Variants in TTLL11 observed in about 807,000 individuals in gnomAD.
TTLL11 encodes tubulin tyrosine ligase like 11.
In TTLL11, 42 loss-of-function variants were observed where a neutral mutation model predicts 51.7. The observed-to-expected ratio is 0.81, with a 90% CI of 0.64 to 1.05. The LOEUF (loss-of-function observed/expected upper bound fraction) is 1.05. Among genes scored for constraint, TTLL11 ranks in the 50% least tolerant of loss-of-function variants. TTLL11 has a pLI of 0.00. For synonymous variants in TTLL11, 381 were observed against 383.5 expected (o/e 0.99, Z 0.08); for missense variants, 799 against 940.4 (o/e 0.85, Z 1.97).
chr9:121,891,542 A>C (rs570141959), intron 6 of TTLL11, among the ~76,000 whole-genome samples: 1 of 152,316 alleles, frequency 6.6e-6, no homozygotes, highest in South Asian at 2.1e-4. Flanking sequence ...TTGGCCCCAG[A>C]AAAAATCCCT....
At chr9:121,961,617 T>C (rs1384155384) in intron 6 of TTLL11, among the ~76,000 whole-genome samples, 1 of 152,214 alleles carries the variant, frequency 6.6e-6, no homozygotes, top group African/African-American at 2.4e-5. Flanking sequence ...GACACCATTC[T>C]CATTGCACAC....
chr9:121,829,196 C>CAT (rs1172269073), intron 8 of TTLL11, among the ~76,000 whole-genome samples: 2 of 152,020 alleles, frequency 1.3e-5, no homozygotes, highest in Admixed American at 6.5e-5. Flanking sequence ...TAAAGCAATC[C>CAT]ACCCACCTCA....
intron 8 of TTLL11, among the ~76,000 whole-genome samples, chr9:121,827,718 T>C (rs1836860129): frequency 6.6e-6 from 1 of 151,666 alleles, no homozygotes; most frequent in African/African-American, 2.4e-5. Context: ...AATCCTCAAT[T>C]CATCAAGGTG....
intron 6 of TTLL11, among the ~76,000 whole-genome samples, chr9:121,939,808 G>C (rs1317562348): frequency 6.6e-6 from 1 of 152,182 alleles, no homozygotes; most frequent in Non-Finnish European, 1.5e-5. Context: ...CCAGCCTGCA[G>C]ACAGCAGGTA....
chr9:121,972,401 T>A (rs771818745), intron 6 of TTLL11, among the ~76,000 whole-genome samples: 18 of 152,244 alleles, frequency 1.2e-4, no homozygotes, highest in Non-Finnish European at 1.9e-4. Flanking sequence ...ACATACGTAC[T>A]GGTGAACACA....
At chr9:122,087,036 C>A (rs946494991) in intron 1 of TTLL11, among the ~76,000 whole-genome samples, 4 of 152,224 alleles carry the variant, frequency 2.6e-5, no homozygotes, top group African/African-American at 9.6e-5. Context: ...AAACTGGCTA[C>A]AAGCCCAGGC....
intron 6 of TTLL11, among the ~76,000 whole-genome samples, chr9:121,889,428 A>G (rs1839136164): frequency 6.6e-6 from 1 of 152,244 alleles, no homozygotes; most frequent in South Asian, 2.1e-4. Flanking sequence ...ATTCAGCAGC[A>G]TGATGTACAT....
chr9:121,930,749 C>A (rs1840934597), intron 6 of TTLL11, among the ~76,000 whole-genome samples: 1 of 152,212 alleles, frequency 6.6e-6, no homozygotes, highest in African/African-American at 2.4e-5. Flanking sequence ...TATGTGTGGA[C>A]CTTTGCATCT....
intron 6 of TTLL11, among the ~76,000 whole-genome samples, chr9:121,941,607 G>A (rs139929402): frequency 7.9e-5 from 12 of 152,078 alleles, no homozygotes; most frequent in East Asian, 3.9e-4. Context: ...GATTTCTCCC[G>A]CCTGCTGAGT....
intron 6 of TTLL11, among the ~76,000 whole-genome samples, chr9:121,891,743 G>A (rs1374232140): frequency 6.6e-6 from 1 of 152,104 alleles, no homozygotes; most frequent in South Asian, 2.1e-4. Context: ...GCTCAGAGAG[G>A]TTGTCTAACT....
chr9:121,924,379 G>A (rs909527628), intron 6 of TTLL11, among the ~76,000 whole-genome samples: 1 of 152,224 alleles, frequency 6.6e-6, no homozygotes, highest in African/African-American at 2.4e-5. Flanking sequence ...GCAGGGGAGG[G>A]CAGAGAAAAG....
At chr9:121,957,135 C>T (rs1349460496) in intron 6 of TTLL11, among the ~76,000 whole-genome samples, 3 of 152,216 alleles carry the variant, frequency 2.0e-5, no homozygotes, top group Admixed American at 6.5e-5. Flanking sequence ...TTGCCACTCT[C>T]TCCCACCCCA....
chr9:121,893,397 G>A (rs933389070), intron 6 of TTLL11, among the ~76,000 whole-genome samples: 2 of 151,836 alleles, frequency 1.3e-5, no homozygotes, highest in Non-Finnish European at 2.9e-5. Flanking sequence ...ATTTAACATA[G>A]TTGTGACCAT....
At chr9:122,066,365 G>A (rs1016383748) in intron 1 of TTLL11, among the ~76,000 whole-genome samples, 5 of 152,048 alleles carry the variant, frequency 3.3e-5, no homozygotes, top group Admixed American at 2.6e-4. Flanking sequence ...AATCAAAGGT[G>A]CAGGGGGTGG....
Position 122,068,732 on chromosome 9 carries a change from G to A in TTLL11, c.462+23955C>T, listed in dbSNP as rs116119288. Among the ~76,000 whole-genome samples the A allele has an allele frequency of 8.5e-4, 129 of 152,266 alleles. 1 individual carries two copies. The highest frequency in any genetic ancestry group is 2.9e-3 in the African/African-American group (119 of 41,548). ...TGGCAGATACTGGGGGGTGTTCACCGAAATCCATTTCCTCTTATTCCTGGA... is the reference window on the plus strand; with the variant it reads ...TGGCAGATACTGGGGGGTGTTCACCAAAATCCATTTCCTCTTATTCCTGGA... On this transcript the variant is annotated intron_variant, in intron 1 of 8. Transcript: ENST00000321582.
chr9:122,050,037 C>T (rs543539857), intron 1 of TTLL11, among the ~76,000 whole-genome samples: 8 of 152,078 alleles, frequency 5.3e-5, no homozygotes, highest in African/African-American at 1.7e-4. Context: ...AGGTACCAAG[C>T]GTGGACCAGC....
chr9:122,057,002 A>C (rs1351258901), intron 1 of TTLL11, among the ~76,000 whole-genome samples: 1 of 152,202 alleles, frequency 6.6e-6, no homozygotes, highest in Non-Finnish European at 1.5e-5. Context: ...CATAGAGGAA[A>C]GAAGTGCTGA....
intron 6 of TTLL11, among the ~76,000 whole-genome samples, chr9:121,971,040 G>A (rs1439239901): frequency 3.4e-5 from 5 of 145,020 alleles, no homozygotes; most frequent in Admixed American, 6.8e-5. Flanking sequence ...CCCCCCGCCC[G>A]GTCAGCCGCC....
chr9:121,989,005 C>T lies in TTLL11; in HGVS notation c.1269+190G>A. 1 of 1,431,492 alleles carries T rather than the reference C, an allele frequency of 7.0e-7. No individual in the cohort carries two copies. Among genetic ancestry groups the T allele is most frequent in the Non-Finnish European group, 9.3e-7 (1 of 1,075,368 alleles). 88.7% of individuals were successfully genotyped at this position (1,431,492 alleles called of 1,614,324 possible). On this transcript the variant is annotated intron_variant, in intron 4 of 8. Coordinates refer to ENST00000321582, the MANE Select transcript of TTLL11 (RefSeq NM_001139442.2). This position sits in a 1 kb window ranked among gnomAD's most constrained non-coding sequence, Gnocchi z 4.2. ...GGTAACAGAGGGGAAGTAGCTTGCC[C>T]CAAATCACACAGGGAGCAAACAGAA... is the stretch of plus-strand genomic sequence containing the variant.
Sources: allele counts gnomAD v4.1 joint callset (sites outside exome capture counted in the v4.1 genomes callset), GRCh38; gene constraint gnomAD v4.1.1; non-coding constraint Gnocchi (gnomAD v3.1); transcripts MANE v1.5; gene names NCBI Gene and HGNC (gene_info 2026-07-23, HGNC 2026-07-21).